The following F11R variants were observed in gnomAD, a reference collection of about 807,000 sequenced individuals.
F11R encodes the protein F11 receptor, also known as junctional adhesion molecule A.
In F11R, 27 loss-of-function variants were observed where a neutral mutation model predicts 39.3. That is an observed-to-expected ratio of 0.69 (90% confidence interval 0.51 to 0.95). The LOEUF (loss-of-function observed/expected upper bound fraction) is 0.95, where lower values mean the gene tolerates loss of function less well. F11R is among the 40% of genes least tolerant of loss of function. The probability of loss-of-function intolerance (pLI) is 0.00; values close to 1 mark genes in which losing one functional copy is unlikely to be tolerated. For synonymous variants in F11R, 131 were observed against 144.9 expected (o/e 0.90, Z 0.69); for missense variants, 335 against 372.7 (o/e 0.90, Z 0.83).
intron 1 of F11R, among the ~76,000 whole-genome samples, chr1:161,012,470 C>G (rs1298194156): frequency 6.6e-6 from 1 of 151,160 alleles, no homozygotes; most frequent in Non-Finnish European, 1.5e-5. Flanking sequence ...AATAACAAAA[C>G]ATAAAAGAAG....
Position 160,996,170 on chromosome 1 carries a change from A to T in F11R, c.*2701T>A, listed in dbSNP as rs768424663. 1.3e-5 allele frequency: 2 copies of T among 152,368 alleles called. No homozygotes were observed. Among genetic ancestry groups the T allele is most frequent in the South Asian group, 4.1e-4 (2 of 4,834 alleles). The allele number at this position is 152,368 out of a possible 1,614,324, so 9.4% of individuals were successfully genotyped here. A position where few individuals can be genotyped will look rare whatever the true frequency, so the allele number is the denominator to read the frequency against. ...CTAGGAGTCCCAATTCTCTTAAGGT[A>T]AGAACTTCAGGATTTAAACAAACTC... is the stretch of plus-strand genomic sequence containing the variant. On this transcript the variant is annotated 3_prime_UTR_variant, in exon 10 of 10. Coordinates refer to ENST00000368026, the MANE Select transcript of F11R (RefSeq NM_016946.6).
At chr1:161,000,411 C>A in intron 4 of F11R, 63 bp from the exon 5 acceptor site, 1 of 1,535,020 alleles carries the variant, frequency 6.5e-7, no homozygotes, top group Non-Finnish European at 9.0e-7. Context: ...TCTAAGTAAC[C>A]AACTACAATG....
At chr1:161,005,418 C>CTCTT (rs1553210388) in intron 1 of F11R, among the ~76,000 whole-genome samples, 1 of 150,884 alleles carries the variant, frequency 6.6e-6, no homozygotes, top group Non-Finnish European at 1.5e-5. Context: ...GCTCAAGTGA[C>CTCTT]CCACCTCAGC....
At chr1:161,014,889 G>A (rs1444974794) in intron 1 of F11R, among the ~76,000 whole-genome samples, 2 of 142,780 alleles carry the variant, frequency 1.4e-5, no homozygotes, top group African/African-American at 2.6e-5. Context: ...CTAACATGGT[G>A]AAATCCCATC....
rs1292795640 is a variant in F11R, at chr1:161,021,023, C to T, written c.51G>A (p.Leu17=). Residue 17 remains leucine (L), a synonymous_variant, in exon 1 of 10, where the codon TTG becomes TTA. Coordinates refer to ENST00000368026, the MANE Select transcript of F11R (RefSeq NM_016946.6). The part of the protein sequence containing the change: ...VERKLLCLFI[L]AILLCSLALG... Reference sequence around the variant, plus strand: ...CTGGGAACTTACACAACAGGATCGCCAATATGAAGAGGCACAACAGTTTCC... The same window carrying T: ...CTGGGAACTTACACAACAGGATCGCTAATATGAAGAGGCACAACAGTTTCC... 6.2e-6 allele frequency: 10 copies of T among 1,614,012 alleles called. No individual in the cohort carries two copies. The highest frequency in any genetic ancestry group is 1.7e-6 in the Non-Finnish European group (2 of 1,180,030).
At position 161,012,372 on chromosome 1, in the gene F11R, G is replaced by T. The variant is rs1649207509; in HGVS notation, c.64+8638C>A. On this transcript the variant is annotated intron_variant, in intron 1 of 9. Coordinates refer to ENST00000368026, the MANE Select transcript of F11R (RefSeq NM_016946.6). ...GCTTATAATCGCAGCATTTTGGAAG[G>T]CCAAGATGGGAGAATCACTTGAGCC... is the stretch of plus-strand genomic sequence containing the variant. Among the ~76,000 whole-genome samples the T allele has an allele frequency of 2.0e-5, 3 of 152,224 alleles. No individual in the cohort carries two copies. The South Asian group carries it at 6.2e-4, about 32-fold the overall frequency.
chr1:161,008,700 A>T (rs915935644), intron 1 of F11R, among the ~76,000 whole-genome samples: 12 of 152,226 alleles, frequency 7.9e-5, no homozygotes, highest in Non-Finnish European at 1.6e-4. Context: ...CAGAGTAGTT[A>T]AGTAACTTGG....
rs777529755 is a variant in F11R, at chr1:160,999,129, T to G, written c.816-38A>C. 7.4e-6 allele frequency: 12 copies of G among 1,613,688 alleles called. No individual in the cohort carries two copies. In the East Asian group the frequency reaches 2.2e-4, roughly 30 times the overall value. ...CAGAAGACAGAGACACTCAGCCACC[T>G]AGGTGCTTATTAACCTCCCCTTGCC... On this transcript the variant is annotated intron_variant, in intron 8 of 9. Coordinates refer to ENST00000368026, the MANE Select transcript of F11R (RefSeq NM_016946.6).
At chr1:161,020,506 T>C (rs979619273) in intron 1 of F11R, among the ~76,000 whole-genome samples, 1 of 152,236 alleles carries the variant, frequency 6.6e-6, no homozygotes, top group African/African-American at 2.4e-5. Flanking sequence ...AGCCAGAGAC[T>C]CCTTCAGCAA....
chr1:161,005,167 A>AAATAATAATAATAATAAT (rs71090350), intron 1 of F11R, among the ~76,000 whole-genome samples: 30 of 145,146 alleles, frequency 2.1e-4, no homozygotes, highest in South Asian at 4.4e-4. Context: ...CTCAAAAATA[A>AAATAATAATAATAATAAT]AATAATAATA....
Position 161,001,071 on chromosome 1 carries a change from A to G in F11R, c.190T>C (p.Phe64Leu). The G allele has an allele frequency of 6.2e-7, 1 of 1,614,106 alleles. No individual in the cohort carries two copies. Among genetic ancestry groups the G allele is most frequent in the South Asian group, 1.1e-5 (1 of 91,078 alleles). Reference sequence around the variant, plus strand: ...AGTCTGGTGGTGTCTCCTTGGTCAAACTTCCACTCCACACGGGGAGAAGAA... The same window carrying G: ...AGTCTGGTGGTGTCTCCTTGGTCAAGCTTCCACTCCACACGGGGAGAAGAA... ...GFSSPRVEWK[F>L]DQGDTTRLVC... The change falls in exon 3 of 10, where the codon TTT becomes CTT. Residue 64 changes from phenylalanine (F) to leucine (L), a missense_variant. Transcript: ENST00000368026.
At chr1:161,009,295 T>A (rs1384485218) in intron 1 of F11R, among the ~76,000 whole-genome samples, 2 of 152,132 alleles carry the variant, frequency 1.3e-5, no homozygotes, top group Non-Finnish European at 2.9e-5. Context: ...AATGACATCA[T>A]CTGTGTACAA....
In F11R at chr1:160,999,025, C is replaced by A. The variant is rs762318782; in HGVS notation, c.864+18G>T. On this transcript the variant is annotated intron_variant, in intron 9 of 9. Transcript: ENST00000368026. ...CAGCCCCAGGTGGCCCACCCCTGCC[C>A]AGGGGAGGCATACTCACTTCACTTC... is the stretch of plus-strand genomic sequence containing the variant. 1.9e-6 allele frequency: 3 copies of A among 1,614,090 alleles called. No homozygotes were observed. The highest frequency in any genetic ancestry group is 2.5e-6 in the Non-Finnish European group (3 of 1,180,048).
At chr1:161,012,158 G>A (rs1649197484) in intron 1 of F11R, among the ~76,000 whole-genome samples, 1 of 152,198 alleles carries the variant, frequency 6.6e-6, no homozygotes, top group Admixed American at 6.5e-5. Context: ...GATGGTCACA[G>A]AAGGCAGAGG....
chr1:161,017,131 G>T lies in F11R; in HGVS notation c.64+3879C>A, dbSNP rs1052668063. 2.6e-5 allele frequency among the ~76,000 whole-genome samples: 4 copies of T among 152,148 alleles called. No homozygotes were observed. The East Asian group carries it at 7.7e-4, about 29-fold the overall frequency. ...AGTACCCAGGGACAAAAACACTGCG[G>T]AAGGCCGCAGGGACCTCTGCCTAGG... On this transcript the variant is annotated intron_variant, in intron 1 of 9. Coordinates refer to ENST00000368026, the MANE Select transcript of F11R (RefSeq NM_016946.6).
intron 1 of F11R, 78 bp downstream of exon 1, chr1:161,020,932 G>A (rs1649724610): frequency 1.6e-6 from 2 of 1,286,236 alleles, no homozygotes; most frequent in East Asian, 2.3e-5. Flanking sequence ...CCCCTCCCGC[G>A]GGCTAGGGGC....
intron 1 of F11R, among the ~76,000 whole-genome samples, chr1:161,016,625 C>T (rs1237149118): frequency 1.3e-5 from 2 of 151,960 alleles, no homozygotes; most frequent in Non-Finnish European, 2.9e-5. Context: ...CTACTGCATT[C>T]CAGCCTGGGT....
At chr1:161,003,271 G>A (rs1461230424) in intron 1 of F11R, among the ~76,000 whole-genome samples, 1 of 151,358 alleles carries the variant, frequency 6.6e-6, no homozygotes, top group Non-Finnish European at 1.5e-5. Flanking sequence ...TTACAGGCAT[G>A]TGCCACCATG....
chr1:161,008,488 C>T (rs1389333859), intron 1 of F11R, among the ~76,000 whole-genome samples: 6 of 151,220 alleles, frequency 4.0e-5, no homozygotes, highest in African/African-American at 1.5e-4. Flanking sequence ...GGTGACAGAG[C>T]GAGACCCCGT....
Sources: gnomAD v4.1 joint callset for allele counts (sites outside exome capture counted in the v4.1 genomes callset) on GRCh38, gnomAD v4.1.1 for gene constraint, MANE v1.5 for transcripts, NCBI Gene and HGNC (gene_info 2026-07-23, HGNC 2026-07-21) for gene names.